Variants in CSMD1 observed in about 807,000 individuals in gnomAD.
The protein encoded by CSMD1 is CUB and sushi domain-containing protein 1.
Under a neutral mutation model 417.5 loss-of-function variants are expected in CSMD1, and 213 were observed. The ratio of observed to expected loss-of-function variants is 0.51; its 90% CI spans 0.46 to 0.57. The LOEUF is 0.57. CSMD1 is among the 20% of genes least tolerant of loss of function. The pLI is 0.00. For missense variants in CSMD1, 6,923 were observed against 4,529.7 expected (o/e 1.53, Z -15.17); for synonymous variants, 2,862 against 1,736.8 (o/e 1.65, Z -16.11).
intron 2 of CSMD1, among the ~76,000 whole-genome samples, chr8:4,542,701 T>G (rs577988395): frequency 1.3e-5 from 2 of 152,324 alleles, no homozygotes; most frequent in Admixed American, 1.3e-4. Flanking sequence ...TTGAATCTAT[T>G]TAAATTAGGG....
Position 4,470,579 on chromosome 8 carries a change from T to C in CSMD1, c.303-50514A>G, listed in dbSNP as rs550687339. The stretch of plus-strand genomic sequence containing the variant: ...GATTCAGAGTGAATGTACAACCAAA[T>C]AATATAACTGCCAAACACTGGTCTA... On this transcript the variant is annotated intron_variant, in intron 2 of 69. Coordinates refer to ENST00000635120, the MANE Select transcript of CSMD1 (RefSeq NM_033225.6). Among the ~76,000 whole-genome samples, 5 of 152,276 alleles carry C rather than the reference T, an allele frequency of 3.3e-5. No individual in the cohort carries two copies. The South Asian group carries it at 1.0e-3, about 32-fold the overall frequency.
chr8:4,604,960 G>T (rs535948648), intron 2 of CSMD1, among the ~76,000 whole-genome samples: 1 of 152,248 alleles, frequency 6.6e-6, no homozygotes, highest in Non-Finnish European at 1.5e-5. Context: ...TTGTTCTTGT[G>T]GGTCTATGCC....
intron 3 of CSMD1, among the ~76,000 whole-genome samples, chr8:4,167,593 A>C (rs185278417): frequency 1.3e-5 from 2 of 152,346 alleles, no homozygotes; most frequent in Non-Finnish European, 2.9e-5. Flanking sequence ...AAGGATATGC[A>C]AATGGCAGAA....
intron 5 of CSMD1, among the ~76,000 whole-genome samples, chr8:3,783,584 T>C (rs1245704702): frequency 6.6e-6 from 1 of 152,158 alleles, no homozygotes; most frequent in Non-Finnish European, 1.5e-5. Context: ...GTGAGAGAGT[T>C]GGACACAGTA....
intron 12 of CSMD1, among the ~76,000 whole-genome samples, chr8:3,432,508 C>CTTTTTTTT (rs769207768): frequency 1.9e-5 from 2 of 105,316 alleles, no homozygotes; most frequent in East Asian, 2.7e-4. Context: ...TCAATATGGG[C>CTTTTTTTT]TTTTTTTTTT....
chr8:4,773,485 T>C (rs1487934231), intron 1 of CSMD1, among the ~76,000 whole-genome samples: 1 of 152,168 alleles, frequency 6.6e-6, no homozygotes, highest in Admixed American at 6.5e-5. Context: ...TTTGTGTTCA[T>C]GGATAAAGAA....
chr8:3,692,399 G>C (rs954007201), intron 7 of CSMD1, among the ~76,000 whole-genome samples: 1 of 151,956 alleles, frequency 6.6e-6, no homozygotes, highest in Non-Finnish European at 1.5e-5. Context: ...CACTTCTAAC[G>C]TGCCTCCTTC....
intron 2 of CSMD1, among the ~76,000 whole-genome samples, chr8:4,546,718 A>G (rs1169189176): frequency 1.3e-5 from 2 of 152,126 alleles, no homozygotes; most frequent in Admixed American, 6.5e-5. Context: ...CTTCATAATC[A>G]TAGCTAAGTC....
chr8:4,895,037 G>A (rs146765666), intron 1 of CSMD1, among the ~76,000 whole-genome samples: 22 of 152,244 alleles, frequency 1.4e-4, no homozygotes, highest in Middle Eastern at 3.4e-3. Flanking sequence ...TTTTTTCATT[G>A]ATAAGAATAT....
chr8:4,271,065 G>A (rs370733024), intron 3 of CSMD1, among the ~76,000 whole-genome samples: 1 of 152,158 alleles, frequency 6.6e-6, no homozygotes, highest in Non-Finnish European at 1.5e-5. Context: ...AGCTGGTGCA[G>A]AAAGTTCAGA....
At chr8:4,043,126 C>G (rs1048497558) in intron 3 of CSMD1, among the ~76,000 whole-genome samples, 2 of 152,118 alleles carry the variant, frequency 1.3e-5, no homozygotes, top group African/African-American at 4.8e-5. Flanking sequence ...CAGTGAGACT[C>G]TGTCTACAAA....
chr8:4,977,808 C>G (rs116461223), intron 1 of CSMD1, among the ~76,000 whole-genome samples: 2 of 152,348 alleles, frequency 1.3e-5, no homozygotes, highest in African/African-American at 4.8e-5. Context: ...TACTGCAGCG[C>G]TTTTACTGAA....
chr8:4,578,607 G>C (rs976512795), intron 2 of CSMD1, among the ~76,000 whole-genome samples: 1 of 151,010 alleles, frequency 6.6e-6, no homozygotes, highest in Non-Finnish European at 1.5e-5. Flanking sequence ...ACGAGGTCAG[G>C]AGTTCAAGAT....
At chr8:3,359,487 A>T (rs1472440114) in intron 20 of CSMD1, 147 bp from the exon 21 acceptor site, 3 of 605,256 alleles carry the variant, frequency 5.0e-6, no homozygotes, top group African/African-American at 1.9e-5. Context: ...TGTTACGTGC[A>T]TTTTTTTTCT....
chr8:4,729,492 A>G lies in CSMD1; in HGVS notation c.86-91934T>C, dbSNP rs151014685. Among the ~76,000 whole-genome samples the G allele has an allele frequency of 7.2e-5, 11 of 152,362 alleles. No individual in the cohort carries two copies. The East Asian group carries it at 2.1e-3, about 29-fold the overall frequency. On this transcript the variant is annotated intron_variant, in intron 1 of 69. Coordinates refer to ENST00000635120, the MANE Select transcript of CSMD1 (RefSeq NM_033225.6). ...GCTGAAAGGAAAAGTGAGTCACACAAAAGTTTTCTTTAAGGTGAATGAAAT... is the reference window on the plus strand; with the variant it reads ...GCTGAAAGGAAAAGTGAGTCACACAGAAGTTTTCTTTAAGGTGAATGAAAT...
intron 1 of CSMD1, chr8:4,787,450 A>G (rs1485697336): frequency 5.2e-6 from 4 of 775,892 alleles, no homozygotes; most frequent in East Asian, 2.5e-5. Context: ...ATGTAGCTAG[A>G]AAGAATCACC....
chr8:4,780,531 G>A (rs1232592915), intron 1 of CSMD1, among the ~76,000 whole-genome samples: 1 of 152,026 alleles, frequency 6.6e-6, no homozygotes, highest in Admixed American at 6.6e-5. Context: ...CTGCCTTGAT[G>A]TTTTGTGCCC....
At chr8:4,653,657 G>A (rs1354592252) in intron 1 of CSMD1, among the ~76,000 whole-genome samples, 1 of 152,048 alleles carries the variant, frequency 6.6e-6, no homozygotes, top group Non-Finnish European at 1.5e-5. Flanking sequence ...ATCTCATTGT[G>A]ATCCCCAGGA....
At chr8:3,479,114 C>G (rs979031918) in intron 11 of CSMD1, among the ~76,000 whole-genome samples, 1 of 152,160 alleles carries the variant, frequency 6.6e-6, no homozygotes, top group African/African-American at 2.4e-5. Flanking sequence ...AGGCACTGAG[C>G]AGATAAAAGT....
Sources: allele counts gnomAD v4.1 joint callset (sites outside exome capture counted in the v4.1 genomes callset), GRCh38; gene constraint gnomAD v4.1.1; transcripts MANE v1.5; gene names NCBI Gene and HGNC (gene_info 2026-07-23, HGNC 2026-07-21).